UBR3: variants seen among roughly 807,000 people sequenced by gnomAD.
UBR3 encodes E3 ubiquitin-protein ligase UBR3.
A neutral mutation model predicts 243.2 loss-of-function variants in UBR3; 85 were observed. The ratio of observed to expected loss-of-function variants is 0.35; its 90% CI spans 0.29 to 0.42. The LOEUF (loss-of-function observed/expected upper bound fraction) is 0.42. Among genes scored for constraint, UBR3 ranks in the 10% least tolerant of loss-of-function variants. The pLI is 1.00. For missense variants in UBR3, 1,686 were observed against 2,300.8 expected (o/e 0.73, Z 5.47); for synonymous variants, 748 against 799.8 (o/e 0.94, Z 1.09).
chr2:169,836,774 G>T (rs1051836433), intron 1 of UBR3, among the ~76,000 whole-genome samples: 1 of 151,432 alleles, frequency 6.6e-6, no homozygotes, highest in African/African-American at 2.4e-5. Flanking sequence ...ATATGTTTTG[G>T]GGCCATTTGG....
At chr2:169,980,545 G>T (rs182193432) in intron 24 of UBR3, among the ~76,000 whole-genome samples, 1 of 151,422 alleles carries the variant, frequency 6.6e-6, no homozygotes, top group Non-Finnish European at 1.5e-5. Flanking sequence ...TTATTTGTTC[G>T]TTCATTTATA....
At chr2:169,994,536 C>G (rs569025079) in intron 26 of UBR3, 80 bp downstream of exon 26, 1 of 1,456,014 alleles carries the variant, frequency 6.9e-7, no homozygotes, top group South Asian at 1.4e-5. Context: ...TGTCTTTTAC[C>G]AAAATGGCAT....
chr2:169,981,413 G>T (rs137921810), intron 24 of UBR3, among the ~76,000 whole-genome samples: 5 of 152,178 alleles, frequency 3.3e-5, no homozygotes, highest in Non-Finnish European at 5.9e-5. Context: ...CTCTAAAATC[G>T]ATAACCTTAG....
intron 8 of UBR3, among the ~76,000 whole-genome samples, chr2:169,903,419 G>A (rs1343332506): frequency 1.3e-5 from 2 of 152,088 alleles, no homozygotes; most frequent in Non-Finnish European, 2.9e-5. Context: ...GCTCAGAAGT[G>A]GAACAGTAGT....
intron 23 of UBR3, among the ~76,000 whole-genome samples, chr2:169,955,793 C>CAAAAAAAAAAAA (rs56238118): frequency 0.025 from 1,963 of 78,252 alleles, 283 homozygotes; most frequent in African/African-American, 0.061. Flanking sequence ...GACTCCATCT[C>CAAAAAAAAAAAA]AAAAAAAAAA....
chr2:170,012,973 A>T (rs939629530), intron 29 of UBR3, among the ~76,000 whole-genome samples: 1 of 152,178 alleles, frequency 6.6e-6, no homozygotes, highest in African/African-American at 2.4e-5. Flanking sequence ...CCACTAGGGT[A>T]GGCTTTAAAC....
intron 30 of UBR3, among the ~76,000 whole-genome samples, chr2:170,026,738 A>AT (rs1439219234): frequency 1.3e-5 from 2 of 152,002 alleles, no homozygotes; most frequent in Non-Finnish European, 2.9e-5. Flanking sequence ...CTTTTTTGTT[A>AT]TTGTTACTCA....
At chr2:169,870,936 G>A (rs1460252659) in intron 1 of UBR3, among the ~76,000 whole-genome samples, 2 of 150,988 alleles carry the variant, frequency 1.3e-5, no homozygotes, top group East Asian at 3.9e-4. Context: ...TTACAGGCAT[G>A]AGCCACTGTG....
chr2:169,853,438 C>T (rs1262492844), intron 1 of UBR3, among the ~76,000 whole-genome samples: 3 of 150,608 alleles, frequency 2.0e-5, no homozygotes, highest in Admixed American at 1.3e-4. Context: ...CTTCCTCTTC[C>T]TCTTTTTCTT....
chr2:169,943,662 A>T (rs1574255311), intron 20 of UBR3, among the ~76,000 whole-genome samples: 1 of 152,274 alleles, frequency 6.6e-6, no homozygotes, highest in East Asian at 1.9e-4. Flanking sequence ...TAATATAACT[A>T]TATAGACATG....
chr2:169,836,937 C>T (rs2082130119), intron 1 of UBR3, among the ~76,000 whole-genome samples: 1 of 151,780 alleles, frequency 6.6e-6, no homozygotes, highest in African/African-American at 2.4e-5. Flanking sequence ...TGTCTTTTTA[C>T]CTTGAAATAT....
intron 1 of UBR3, among the ~76,000 whole-genome samples, chr2:169,830,940 T>C (rs2081911010): frequency 1.3e-5 from 2 of 151,448 alleles, no homozygotes; most frequent in African/African-American, 4.8e-5. Flanking sequence ...GATGCTTCAG[T>C]GTACTACCAG....
At chr2:169,985,931 TCTTCCA>T (rs1458750786) in intron 24 of UBR3, among the ~76,000 whole-genome samples, 3 of 152,220 alleles carry the variant, frequency 2.0e-5, no homozygotes, top group Admixed American at 2.0e-4. Context: ...CTTCCCAGTC[TCTTCCA>T]CCTATTTCTT....
Position 169,927,385 on chromosome 2 carries a change from C to A in UBR3, c.2404C>A (p.His802Asn), listed in dbSNP as rs2085948566. ...VAQLCMNDRTHSSLLDLIPEN... is the reference protein window; with the variant it reads ...VAQLCMNDRTNSSLLDLIPEN... The stretch of plus-strand genomic sequence containing the variant: ...CCAGCTGTGTATGAATGACAGGACA[C>A]ACAGTTCATTGCTGGACCTCATATC... The change falls in exon 17 of 39, where the codon CAC (histidine) becomes AAC (asparagine). Residue 802 changes from histidine to asparagine, a missense_variant. His to Asn is a moderately conservative substitution (Grantham distance 68). Around this residue, in one of 8 missense-constraint regions of UBR3, gnomAD observed 346 missense variants for 585.8 expected, o/e 0.59. Coordinates refer to ENST00000272793, the MANE Select transcript of UBR3 (RefSeq NM_172070.4). 1.3e-6 allele frequency: 2 copies of A among 1,550,340 alleles called. No homozygotes were observed. The highest frequency in any genetic ancestry group is 1.7e-6 in the Non-Finnish European group (2 of 1,146,350).
intron 24 of UBR3, chr2:169,964,405 A>G: frequency 2.1e-6 from 1 of 470,462 alleles, no homozygotes; most frequent in Admixed American, 2.4e-5. Context: ...AGACAAAACA[A>G]AAACAATTTT....
intron 10 of UBR3, among the ~76,000 whole-genome samples, chr2:169,906,721 A>G (rs1416097924): frequency 6.6e-6 from 1 of 152,156 alleles, no homozygotes; most frequent in East Asian, 1.9e-4. Flanking sequence ...CATGCTGGAC[A>G]AGATTTTGTA....
At chr2:170,067,553 T>TTA (rs941438699) in intron 35 of UBR3, among the ~76,000 whole-genome samples, 2 of 152,018 alleles carry the variant, frequency 1.3e-5, no homozygotes, top group Non-Finnish European at 2.9e-5. Context: ...AGAATATATA[T>TTA]TATATATATA....
intron 5 of UBR3, among the ~76,000 whole-genome samples, chr2:169,889,348 A>T (rs1458340891): frequency 6.6e-6 from 1 of 152,186 alleles, no homozygotes; most frequent in Non-Finnish European, 1.5e-5. Flanking sequence ...TTGATCAAGG[A>T]TACTGTTTTC....
intron 1 of UBR3, among the ~76,000 whole-genome samples, chr2:169,865,746 A>G (rs550501318): frequency 2.6e-5 from 4 of 152,118 alleles, no homozygotes; most frequent in Admixed American, 2.6e-4. Flanking sequence ...CTTTCCTTTC[A>G]TCCATTTTCT....
Sources: gnomAD v4.1 joint callset for allele counts (sites outside exome capture counted in the v4.1 genomes callset) on GRCh38, gnomAD v4.1.1 for gene constraint, gnomAD v4.1.1 regional missense constraint, MANE v1.5 for transcripts, NCBI Gene and HGNC (gene_info 2026-07-23, HGNC 2026-07-21) for gene names.